Variants in KIF13A observed in about 807,000 individuals in gnomAD.
KIF13A encodes the protein kinesin family member 13A, also known as kinesin-like protein KIF13A.
In KIF13A, 79 loss-of-function variants were observed where a neutral mutation model predicts 212.2. The observed-to-expected ratio is 0.37, with a 90% CI of 0.31 to 0.45. The LOEUF (loss-of-function observed/expected upper bound fraction) is 0.45, where lower values mean the gene tolerates loss of function less well. KIF13A is among the 20% of genes least tolerant of loss of function. The pLI is 1.00. For missense variants in KIF13A, 1,901 were observed against 2,209.0 expected (o/e 0.86, Z 2.79); for synonymous variants, 789 against 808.6 (o/e 0.98, Z 0.41).
At chr6:17,862,455 C>T (rs775892171) in intron 4 of KIF13A, among the ~76,000 whole-genome samples, 11 of 152,074 alleles carry the variant, frequency 7.2e-5, no homozygotes, top group Non-Finnish European at 1.5e-4. Context: ...ATTTTTCCTT[C>T]AGATGGCTCC....
Position 17,982,208 on chromosome 6 carries a change from G to T in KIF13A, c.146+4846C>A, listed in dbSNP as rs949552262. On this transcript the variant is annotated intron_variant, in intron 2 of 38. Transcript: ENST00000259711. The surrounding 1 kb of genome is among the most constrained non-coding windows in gnomAD (Gnocchi z 5.1). ...CCTCCTGGGTTCAAGTGATTCTCCT[G>T]CCTCTGCCTCCTAAGTAGCTGGGAT... 1 of 152,576 alleles carries T rather than the reference G, an allele frequency of 6.6e-6. No homozygotes were observed. The highest frequency in any genetic ancestry group is 1.5e-5 in the Non-Finnish European group (1 of 68,694). 9.5% of individuals were successfully genotyped at this position (152,576 alleles called of 1,614,324 possible). A position where few individuals can be genotyped will look rare whatever the true frequency, so the allele number is the denominator to read the frequency against.
At chr6:17,950,863 C>A in intron 2 of KIF13A, 2 of 983,100 alleles carry the variant, frequency 2.0e-6, no homozygotes, top group Non-Finnish European at 2.4e-6. Context: ...CACTATTGAA[C>A]ATAAATGATT....
chr6:17,869,062 A>G (rs1275584877), intron 4 of KIF13A, among the ~76,000 whole-genome samples: 1 of 151,306 alleles, frequency 6.6e-6, no homozygotes, highest in Non-Finnish European at 1.5e-5. Context: ...GCATGATTCA[A>G]TGCAATGTGA....
At chr6:17,937,570 T>C (rs1405361647) in intron 2 of KIF13A, among the ~76,000 whole-genome samples, 1 of 152,160 alleles carries the variant, frequency 6.6e-6, no homozygotes, top group African/African-American at 2.4e-5. Context: ...AAATACAGCA[T>C]TGAAGTGATT....
intron 23 of KIF13A, among the ~76,000 whole-genome samples, chr6:17,795,744 T>C (rs1464843986): frequency 1.3e-5 from 2 of 152,200 alleles, no homozygotes; most frequent in South Asian, 2.1e-4. Flanking sequence ...CTCCCCCAGA[T>C]TGCAGCTTGT....
intron 3 of KIF13A, among the ~76,000 whole-genome samples, chr6:17,891,530 G>A (rs142731624): frequency 9.5e-4 from 144 of 152,318 alleles, no homozygotes; most frequent in Admixed American, 1.4e-3. Context: ...GGCTGAGGAA[G>A]GAGGATAGCT....
chr6:17,775,140 T>C, intron 34 of KIF13A, 78 bp from the exon 35 acceptor site: 1 of 1,182,950 alleles, frequency 8.5e-7, no homozygotes, highest in Non-Finnish European at 1.2e-6. Context: ...AGAAACAGAA[T>C]GTCACAGTTG....
intron 16 of KIF13A, among the ~76,000 whole-genome samples, chr6:17,824,364 G>A (rs1028954669): frequency 6.6e-6 from 1 of 152,146 alleles, no homozygotes; most frequent in African/African-American, 2.4e-5. Context: ...GCTTGCCTTG[G>A]CAGCACATAT....
chr6:17,872,400 G>A lies in KIF13A; in HGVS notation c.220+977C>T, dbSNP rs1770098595. 6.6e-6 allele frequency among the ~76,000 whole-genome samples: 1 copy of A among 152,096 alleles called. No homozygotes were observed. The highest frequency in any genetic ancestry group is 1.9e-4 in the East Asian group (1 of 5,182). ...GAAATAAGGAGAAAACACTCAGTAG[G>A]AAGAAATAGTTCACGAGCTCTATTG... On this transcript the variant is annotated intron_variant, in intron 4 of 38. Coordinates refer to ENST00000259711, the MANE Select transcript of KIF13A (RefSeq NM_022113.6). This position sits in a 1 kb window ranked among gnomAD's most constrained non-coding sequence, Gnocchi z 4.7.
At chr6:17,887,222 T>C (rs1045211569) in intron 3 of KIF13A, among the ~76,000 whole-genome samples, 2 of 152,136 alleles carry the variant, frequency 1.3e-5, no homozygotes, top group Admixed American at 6.5e-5. Flanking sequence ...CAGATAGGGG[T>C]TGTTCCTTCA....
At chr6:17,885,037 A>C (rs1373810785) in intron 3 of KIF13A, among the ~76,000 whole-genome samples, 1 of 152,166 alleles carries the variant, frequency 6.6e-6, no homozygotes, top group African/African-American at 2.4e-5. Flanking sequence ...CTTCATGTTC[A>C]AATTTTTCTT....
intron 17 of KIF13A, among the ~76,000 whole-genome samples, chr6:17,813,295 C>T (rs1763598757): frequency 6.6e-6 from 1 of 152,164 alleles, no homozygotes; most frequent in African/African-American, 2.4e-5. Flanking sequence ...GCCTGGCCAA[C>T]ATGGTGAAAC....
chr6:17,977,257 C>G (rs906284154), intron 2 of KIF13A, among the ~76,000 whole-genome samples: 1 of 152,122 alleles, frequency 6.6e-6, no homozygotes, highest in African/African-American at 2.4e-5. Context: ...TTACTACTGC[C>G]CATACAAAAT....
At chr6:17,844,547 A>G (rs371209726) in intron 9 of KIF13A, among the ~76,000 whole-genome samples, 16 of 152,220 alleles carry the variant, frequency 1.1e-4, no homozygotes, top group East Asian at 3.8e-4. Context: ...GAAAGGTTTT[A>G]TAATTATTCT....
At chr6:17,945,668 A>G (rs1048228092) in intron 2 of KIF13A, among the ~76,000 whole-genome samples, 3 of 152,222 alleles carry the variant, frequency 2.0e-5, no homozygotes, top group Non-Finnish European at 4.4e-5. Context: ...CCAACACTGT[A>G]AAGATGCCAA....
intron 4 of KIF13A, among the ~76,000 whole-genome samples, chr6:17,858,413 T>G (rs1487892982): frequency 6.6e-6 from 1 of 152,208 alleles, no homozygotes; most frequent in African/African-American, 2.4e-5. Flanking sequence ...ATAATCAAAA[T>G]TATTATCTGC....
At chr6:17,929,069 A>AC (rs141896320) in intron 2 of KIF13A, among the ~76,000 whole-genome samples, 21 of 130,346 alleles carry the variant, frequency 1.6e-4, no homozygotes, top group African/African-American at 2.3e-4. Flanking sequence ...CAAAAAAAAA[A>AC]AAAAAAAAAA....
chr6:17,938,147 G>T (rs1013192230), intron 2 of KIF13A, among the ~76,000 whole-genome samples: 1 of 152,064 alleles, frequency 6.6e-6, no homozygotes, highest in African/African-American at 2.4e-5. Flanking sequence ...TTCTCACCTA[G>T]GCCTCCCAAA....
intron 2 of KIF13A, among the ~76,000 whole-genome samples, chr6:17,941,690 T>C (rs912465374): frequency 6.6e-6 from 1 of 150,856 alleles, no homozygotes; most frequent in African/African-American, 2.4e-5. Context: ...GCCTCCAGGG[T>C]AGTGAGAAAA....
Sources: gnomAD v4.1 joint callset for allele counts (sites outside exome capture counted in the v4.1 genomes callset) on GRCh38, gnomAD v4.1.1 for gene constraint, Gnocchi (gnomAD v3.1) non-coding constraint, MANE v1.5 for transcripts, NCBI Gene and HGNC (gene_info 2026-07-23, HGNC 2026-07-21) for gene names.